MYH13: variants seen among roughly 807,000 people sequenced by gnomAD.
MYH13 encodes the protein myosin heavy chain 13.
MYH13 carries 177 observed loss-of-function variants against 232.1 expected under a neutral mutation model. That is an observed-to-expected ratio of 0.76 (90% CI 0.67 to 0.86). The LOEUF is 0.86. Ranked by LOEUF, MYH13 falls within the 40% of genes least tolerant of loss-of-function variation. The probability of loss-of-function intolerance (pLI) is 0.00; values close to 1 mark genes in which losing one functional copy is unlikely to be tolerated. For synonymous variants in MYH13, 884 were observed against 923.5 expected (o/e 0.96, Z 0.78); for missense variants, 2,246 against 2,405.9 (o/e 0.93, Z 1.39).
Position 10,306,990 on chromosome 17 carries a change from C to A in MYH13, c.5244G>T (p.Ser1748=), listed in dbSNP as rs765705838. 1.9e-6 allele frequency: 3 copies of A among 1,613,908 alleles called. No homozygotes were observed. Among genetic ancestry groups the A allele is most frequent in the African/African-American group, 1.3e-5 (1 of 74,920 alleles). ...CCTCTGCGTTCCTGGACTCCTGGAT[C>A]GAGTTCTCCACCTCTGCCTGGCACT... is the stretch of plus-strand genomic sequence containing the variant. ...IAQCQAEVEN[S]IQESRNAEEK... is the part of the protein sequence containing the mutation. The change falls in exon 36 of 41, where the codon TCG becomes TCT. Residue 1748 remains serine (S), a synonymous_variant. Coordinates refer to ENST00000252172, the MANE Select transcript of MYH13 (RefSeq NM_003802.3). The surrounding 1 kb of genome is among the most constrained non-coding windows in gnomAD (Gnocchi z 4.3).
intron 11 of MYH13, among the ~76,000 whole-genome samples, chr17:10,354,416 G>C (rs2240580): frequency 0.021 from 3,137 of 152,246 alleles, 99 homozygotes; most frequent in East Asian, 0.11. Flanking sequence ...ATGCAAAAAT[G>C]CATTCCAGTT....
chr17:10,332,037 A>G (rs1363049764), intron 20 of MYH13, 62 bp downstream of exon 20: 4 of 1,584,698 alleles, frequency 2.5e-6, no homozygotes, highest in Non-Finnish European at 1.7e-6. Flanking sequence ...TTTTCTGATC[A>G]GCTAAGAAGC....
chr17:10,322,073 G>C (rs1197142656), intron 23 of MYH13, among the ~76,000 whole-genome samples: 1 of 152,198 alleles, frequency 6.6e-6, no homozygotes, highest in Non-Finnish European at 1.5e-5. Flanking sequence ...GAGGCAGGAA[G>C]GGGAGGAGAG....
chr17:10,360,983 G>A (rs751688123), intron 5 of MYH13, among the ~76,000 whole-genome samples: 10 of 152,124 alleles, frequency 6.6e-5, no homozygotes, highest in Non-Finnish European at 8.8e-5. Flanking sequence ...CTCTCTCAGC[G>A]TCCTCAGACT....
At chr17:10,319,255 G>C in intron 26 of MYH13, 76 bp from the exon 27 acceptor site, 1 of 1,490,980 alleles carries the variant, frequency 6.7e-7, no homozygotes, top group Non-Finnish European at 8.9e-7. Flanking sequence ...GGGTGTTGAG[G>C]AATTGCGGGT....
At chr17:10,331,517 C>T (rs9903582) in intron 20 of MYH13, among the ~76,000 whole-genome samples, 25,234 of 152,158 alleles carry the variant, frequency 0.17, 2,500 homozygotes, top group Middle Eastern at 0.25. Flanking sequence ...CAGTGAAGTA[C>T]GTGCAGGAGG....
rs149156841 is a variant in MYH13 at position 10,357,635 on chromosome 17, G to T, written c.738+100C>A. The T allele has an allele frequency of 1.2e-3, 1,156 of 991,724 alleles. 13 individuals carry two copies. The African/African-American group carries it at 0.015, about 13-fold the overall frequency. The allele number at this position is 991,724 out of a possible 1,614,324, so 61.4% of individuals were successfully genotyped here. On this transcript the variant is annotated intron_variant, in intron 8 of 40. Coordinates refer to ENST00000252172, the MANE Select transcript of MYH13 (RefSeq NM_003802.3). ...CTCAATCACTTGGGGGTAGAAAAAG[G>T]CCCCCATATATTCCAGTTTATGGGG...
intron 13 of MYH13, 121 bp downstream of exon 13, chr17:10,346,559 T>C: frequency 1.5e-6 from 1 of 658,066 alleles, no homozygotes; most frequent in Non-Finnish European, 2.4e-6. Context: ...AAAATGAACT[T>C]CCTCTTAATG....
rs1262094471 is a variant in MYH13 at position 10,313,263 on chromosome 17, G to GGCTTGGCTTCCTGCTCCT, written c.4075_4076insAGGAGCAGGAAGCCAAGC (p.Ala1359delinsGluGluGlnGluAlaLysPro). 1.2e-6 allele frequency: 2 copies of GGCTTGGCTTCCTGCTCCT among 1,614,106 alleles called. No individual in the cohort carries two copies. Among genetic ancestry groups the GGCTTGGCTTCCTGCTCCT allele is most frequent in the Admixed American group, 3.3e-5 (2 of 60,004 alleles). On this transcript the variant is annotated protein_altering_variant, in exon 30 of 41. Transcript: ENST00000252172. ...CTTGGACAGCGCCCTCTGCAGCTCG[G>GGCTTGGCTTCCTGCTCCT]CCTTGGCTTCCTGCTCCTCCTCATA...
intron 18 of MYH13, among the ~76,000 whole-genome samples, chr17:10,335,695 C>T (rs965021012): frequency 2.7e-4 from 41 of 151,720 alleles, no homozygotes; most frequent in African/African-American, 9.4e-4. Context: ...GCAGAGGTTG[C>T]AGTGAGCTGA....
In MYH13 at chr17:10,350,580, G is replaced by A. The variant is rs751347030; in HGVS notation, c.1120C>T (p.Gln374Ter). Residue 374 changes from glutamine to a stop codon, truncating the protein, a stop_gained, in exon 12 of 41, where the codon CAG becomes TAG. Transcript: ENST00000252172. LOFTEE classifies it high-confidence loss of function. Reference sequence around the variant, plus strand: ...CCTTCGGTGCCGTCTGGCTCCGCCTGCTCCTCACGCTGCTTCTGCTTGAAC... The same window carrying A: ...CCTTCGGTGCCGTCTGGCTCCGCCTACTCCTCACGCTGCTTCTGCTTGAAC... ...MKFKQKQREE[Q>*]AEPDGTEVAD... The A allele has an allele frequency of 3.1e-6, 5 of 1,613,180 alleles. No homozygotes were observed. The highest frequency in any genetic ancestry group is 1.3e-5 in the African/African-American group (1 of 74,808).
intron 3 of MYH13, among the ~76,000 whole-genome samples, chr17:10,363,207 T>C (rs991358535): frequency 2.7e-5 from 4 of 149,138 alleles, no homozygotes; most frequent in Admixed American, 2.1e-4. Context: ...GAACAGCTAC[T>C]AGGGAGGCTG....
intron 19 of MYH13, among the ~76,000 whole-genome samples, chr17:10,332,713 G>C (rs966846097): frequency 7.9e-5 from 12 of 152,186 alleles, no homozygotes; most frequent in Non-Finnish European, 7.3e-5. Context: ...GCTCAGTGGG[G>C]AGGGGTGTGG....
chr17:10,302,643 C>T (rs1043327076), intron 39 of MYH13, among the ~76,000 whole-genome samples: 2 of 152,206 alleles, frequency 1.3e-5, no homozygotes, highest in Non-Finnish European at 2.9e-5. Flanking sequence ...TCAGAAGACA[C>T]TTTGGGAAAC....
Position 10,336,462 on chromosome 17 carries a change from T to TA in MYH13, c.2057-3272dup, listed in dbSNP as rs779304125. Among the ~76,000 whole-genome samples the TA allele has an allele frequency of 2.6e-5, 4 of 152,286 alleles. No homozygotes were observed. The South Asian group carries it at 8.3e-4, about 32-fold the overall frequency. On this transcript the variant is annotated intron_variant, in intron 18 of 40. Transcript: ENST00000252172. ...CATGCTTTTGAAATATGCTGTATCT[T>TA]ATGATGATCCGGCATCATGGGGCCT... is the stretch of plus-strand genomic sequence containing the variant.
In MYH13 at chr17:10,303,256, C is replaced by T. The variant is rs367784389; in HGVS notation, c.5607G>A (p.Gln1869=). The change falls in exon 39 of 41, where the codon CAG becomes CAA. Residue 1869 remains glutamine, a synonymous_variant. Coordinates refer to ENST00000252172, the MANE Select transcript of MYH13 (RefSeq NM_003802.3). Reference sequence around the variant, plus strand: ...TGGCCTGCAGCTTGTCCACCAGGTCCTGGAGCCTAAGGATATTCTTGTGGT... The same window carrying T: ...TGGCCTGCAGCTTGTCCACCAGGTCTTGGAGCCTAAGGATATTCTTGTGGT... ...EEDHKNILRL[Q]DLVDKLQAKV... is the part of the protein sequence containing the mutation. The T allele has an allele frequency of 2.2e-5, 36 of 1,613,806 alleles. No homozygotes were observed. The highest frequency in any genetic ancestry group is 3.3e-4 in the Middle Eastern group (2 of 6,018).
intron 33 of MYH13, 36 bp downstream of exon 33, chr17:10,311,067 T>G (rs1906493076): frequency 1.2e-6 from 2 of 1,612,224 alleles, no homozygotes; most frequent in African/African-American, 1.3e-5. Context: ...TTCCCTGTCC[T>G]CCTGAATTTC....
chr17:10,324,375 C>T (rs1288367205), intron 22 of MYH13, 111 bp from the exon 23 acceptor site: 2 of 1,225,940 alleles, frequency 1.6e-6, no homozygotes, highest in Admixed American at 2.1e-5. Flanking sequence ...AGAAATGGGT[C>T]ATGCACACAC....
intron 5 of MYH13, among the ~76,000 whole-genome samples, chr17:10,360,897 C>T (rs1348410003): frequency 6.6e-6 from 1 of 152,122 alleles, no homozygotes; most frequent in African/African-American, 2.4e-5. Flanking sequence ...CAGGGTGATG[C>T]TTCTACAAAT....
Sources: gnomAD v4.1 joint callset for allele counts (sites outside exome capture counted in the v4.1 genomes callset) on GRCh38, gnomAD v4.1.1 for gene constraint, Gnocchi (gnomAD v3.1) non-coding constraint, MANE v1.5 for transcripts, NCBI Gene and HGNC (gene_info 2026-07-23, HGNC 2026-07-21) for gene names.